The following DCK variants were observed in gnomAD, a reference collection of about 807,000 sequenced individuals.
DCK encodes deoxyadenosine kinase.
Under a neutral mutation model 38.3 loss-of-function variants are expected in DCK, and 23 were observed. The observed-to-expected ratio is 0.60, with a 90% CI of 0.43 to 0.85. The LOEUF (loss-of-function observed/expected upper bound fraction) is 0.85, where lower values mean the gene tolerates loss of function less well. Ranked by LOEUF, DCK falls within the 40% of genes least tolerant of loss-of-function variation. The pLI, the probability that DCK is intolerant of heterozygous loss-of-function variation, is 0.00. For missense variants in DCK, 259 were observed against 304.4 expected, an observed-to-expected ratio of 0.85 and a Z score of 1.11; for synonymous variants, 108 against 100.6, an observed-to-expected ratio of 1.07 and a Z score of -0.44.
At chr4:71,022,684 G>GA in intron 3 of DCK, 124 bp downstream of exon 3, 1 of 512,436 alleles carries the variant, frequency 2.0e-6, no homozygotes, top group South Asian at 6.1e-5. Context: ...ATTTAAGATG[G>GA]AAAATGACAT....
At position 71,025,893 on chromosome 4, in the gene DCK, T is replaced by G. The variant is rs1231377140; in HGVS notation, c.627T>G (p.His209Gln). Residue 209 changes from histidine (H) to glutamine (Q), a missense_variant, in exon 5 of 7, where the codon CAT (histidine) becomes CAG (glutamine). Transcript: ENST00000286648. ...GIPLEYLEKL[H>Q]YKHESWLLHR... ...CTCTTGAATATTTAGAGAAGCTTCA[T>G]TATAAACATGAAAGCTGGCTCCTGC... 6.2e-7 allele frequency: 1 copy of G among 1,610,830 alleles called. No individual in the cohort carries two copies. The highest frequency in any genetic ancestry group is 1.1e-5 in the South Asian group (1 of 90,200).
At chr4:70,999,149 C>T (rs1739728866) in intron 2 of DCK, among the ~76,000 whole-genome samples, 1 of 152,098 alleles carries the variant, frequency 6.6e-6, no homozygotes, top group Non-Finnish European at 1.5e-5. Context: ...AGGTATTTCT[C>T]CTAATGCTAA....
chr4:71,001,990 A>G (rs902182439), intron 2 of DCK, among the ~76,000 whole-genome samples: 1 of 151,830 alleles, frequency 6.6e-6, no homozygotes, highest in Non-Finnish European at 1.5e-5. Context: ...CTCTGATCTT[A>G]GTTATTTCTT....
intron 2 of DCK, among the ~76,000 whole-genome samples, chr4:71,011,965 T>C (rs1740100066): frequency 6.6e-6 from 1 of 152,234 alleles, no homozygotes; most frequent in African/African-American, 2.4e-5. Flanking sequence ...ATATATTAAA[T>C]TTTGGTGGAG....
chr4:70,994,073 A>T (rs1297845583), intron 1 of DCK, 147 bp downstream of exon 1: 1 of 668,516 alleles, frequency 1.5e-6, no homozygotes, highest in African/African-American at 1.8e-5. Context: ...TTCCTTTCCC[A>T]CCCAGAGCAT....
chr4:71,022,615 CT>C (rs373938314), intron 3 of DCK, 55 bp downstream of exon 3: 77,714 of 699,180 alleles, frequency 0.11, 3 homozygotes, highest in East Asian at 0.12. Flanking sequence ...TAGAACTGGA[CT>C]TTTTTTTTTT....
In DCK at chr4:70,993,893, C is replaced by T. The variant is rs368749344; in HGVS notation, c.58C>T (p.Arg20Cys). ...PSFSASSEGTRIKKISIEGNI... is the reference protein window; with the variant it reads ...PSFSASSEGTCIKKISIEGNI... ...TTTCTCAGCCAGCTCTGAGGGGACC[C>T]GCATCAAGAAAATCTCCATCGAAGG... Residue 20 changes from arginine to cysteine, a missense_variant, in exon 1 of 7, where the codon CGC becomes TGC. Around this residue, in one of 3 missense-constraint regions of DCK, gnomAD observed 159 missense variants for 159.0 expected, o/e 1.00. Coordinates refer to ENST00000286648, the MANE Select transcript of DCK (RefSeq NM_000788.3). The T allele has an allele frequency of 2.5e-6, 4 of 1,613,808 alleles. No individual in the cohort carries two copies. The highest frequency in any genetic ancestry group is 3.4e-6 in the Non-Finnish European group (4 of 1,179,854).
intron 2 of DCK, among the ~76,000 whole-genome samples, 184 bp from the exon 3 acceptor site, chr4:71,022,183 C>G (rs1740442059): frequency 6.6e-6 from 1 of 152,086 alleles, no homozygotes; most frequent in Non-Finnish European, 1.5e-5. Context: ...TAAGGATTTT[C>G]CAGACCTCAG....
chr4:71,014,714 G>A (rs1328265773), intron 2 of DCK, among the ~76,000 whole-genome samples: 2 of 152,166 alleles, frequency 1.3e-5, no homozygotes, highest in African/African-American at 4.8e-5. Flanking sequence ...GATGTTCTTT[G>A]AAACCAATGA....
At chr4:71,004,577 A>G (rs1739892883) in intron 2 of DCK, among the ~76,000 whole-genome samples, 1 of 152,204 alleles carries the variant, frequency 6.6e-6, no homozygotes, top group Non-Finnish European at 1.5e-5. Context: ...CTTCCCCCAG[A>G]TGCTCTGTCC....
chr4:71,022,315 C>T (rs1202184793), intron 2 of DCK, 52 bp from the exon 3 acceptor site: 2 of 966,154 alleles, frequency 2.1e-6, no homozygotes, highest in Admixed American at 2.8e-5. Flanking sequence ...ATTAAAATAG[C>T]CCTATTGACC....
At chr4:71,005,067 A>C (rs114195649) in intron 2 of DCK, among the ~76,000 whole-genome samples, 1 of 152,102 alleles carries the variant, frequency 6.6e-6, no homozygotes, top group African/African-American at 2.4e-5. Context: ...TGTCTGCCCA[A>C]ATGGCTGTCC....
intron 2 of DCK, among the ~76,000 whole-genome samples, 165 bp downstream of exon 2, chr4:70,998,347 A>AT (rs1739706568): frequency 6.6e-6 from 1 of 152,212 alleles, no homozygotes; most frequent in Admixed American, 6.5e-5. Context: ...TTGGCTCTCC[A>AT]TATCAATGGG....
chr4:71,005,308 A>T (rs970265229), intron 2 of DCK, among the ~76,000 whole-genome samples: 5 of 151,650 alleles, frequency 3.3e-5, no homozygotes, highest in Non-Finnish European at 5.9e-5. Flanking sequence ...CTGTATAACC[A>T]GTCCCAATGA....
Position 71,022,507 on chromosome 4 carries a change from C to G in DCK, c.348C>G (p.Leu116=), listed in dbSNP as rs373796700. ...RAQLASLNGK[L]KDAEKPVLFF... is the part of the protein sequence containing the mutation. ...AGCTTGCCTCTCTGAATGGCAAGCTCAAAGATGCAGAGAAACCTGTATTAT... is the reference window on the plus strand; with the variant it reads ...AGCTTGCCTCTCTGAATGGCAAGCTGAAAGATGCAGAGAAACCTGTATTAT... The change falls in exon 3 of 7, where the codon CTC becomes CTG. Residue 116 remains leucine, a synonymous_variant. Transcript: ENST00000286648. 1.3e-5 allele frequency: 21 copies of G among 1,602,548 alleles called. No individual in the cohort carries two copies. The highest frequency in any genetic ancestry group is 1.6e-5 in the Non-Finnish European group (19 of 1,175,652).
rs183183790 is a variant in DCK, at chr4:71,013,129, C to T, written c.208-9238C>T. On this transcript the variant is annotated intron_variant, in intron 2 of 6. Coordinates refer to ENST00000286648, the MANE Select transcript of DCK (RefSeq NM_000788.3). Reference sequence around the variant, plus strand: ...TGACGAATGCACAAGCTTCAGTAGCCGATTCAATCAACTGGAAGAAAGGGT... The same window carrying T: ...TGACGAATGCACAAGCTTCAGTAGCTGATTCAATCAACTGGAAGAAAGGGT... Among the ~76,000 whole-genome samples the T allele has an allele frequency of 3.6e-3, 552 of 151,990 alleles. 5 individuals carry two copies. The highest frequency in any genetic ancestry group is 0.013 in the African/African-American group (529 of 41,420).
At chr4:71,021,464 G>A (rs1014843883) in intron 2 of DCK, among the ~76,000 whole-genome samples, 2 of 152,118 alleles carry the variant, frequency 1.3e-5, no homozygotes, top group African/African-American at 4.8e-5. Flanking sequence ...GTAAAATGTG[G>A]TTCTAACAAT....
At chr4:71,016,506 A>G (rs1252050862) in intron 2 of DCK, among the ~76,000 whole-genome samples, 4 of 152,212 alleles carry the variant, frequency 2.6e-5, no homozygotes, top group Admixed American at 6.5e-5. Context: ...ACAAAGCTGG[A>G]GGCATCACGC....
intron 2 of DCK, among the ~76,000 whole-genome samples, chr4:71,016,827 A>G (rs1294842027): frequency 2.6e-5 from 4 of 152,218 alleles, no homozygotes; most frequent in African/African-American, 9.7e-5. Flanking sequence ...AACCATAAAA[A>G]CCCTAGAAGA....
Sources: allele counts gnomAD v4.1 joint callset (sites outside exome capture counted in the v4.1 genomes callset), GRCh38; gene constraint gnomAD v4.1.1; regional missense constraint gnomAD v4.1.1; transcripts MANE v1.5; gene names NCBI Gene and HGNC (gene_info 2026-07-23, HGNC 2026-07-21).